CNTNAP2: variants seen among roughly 807,000 people sequenced by gnomAD.
CNTNAP2 encodes contactin-associated protein-like 2.
Under a neutral mutation model 155.2 loss-of-function variants are expected in CNTNAP2, and 98 were observed. That is an observed-to-expected ratio of 0.63 (90% CI 0.54 to 0.75). The LOEUF (loss-of-function observed/expected upper bound fraction) is 0.75, where lower values mean the gene tolerates loss of function less well. Among genes scored for constraint, CNTNAP2 ranks in the 30% least tolerant of loss-of-function variants. CNTNAP2 has a pLI of 0.00. For missense variants in CNTNAP2, 1,727 were observed against 1,688.1 expected (o/e 1.02, Z -0.40); for synonymous variants, 651 against 631.2 (o/e 1.03, Z -0.47).
At chr7:146,853,837 A>T (rs935224528) in intron 3 of CNTNAP2, among the ~76,000 whole-genome samples, 3 of 152,174 alleles carry the variant, frequency 2.0e-5, no homozygotes, top group African/African-American at 7.2e-5. Flanking sequence ...AGATCCACCA[A>T]ATTGTGGAAT....
chr7:147,640,540 G>A (rs1795254923), intron 13 of CNTNAP2, among the ~76,000 whole-genome samples: 1 of 152,154 alleles, frequency 6.6e-6, no homozygotes, highest in Non-Finnish European at 1.5e-5. Context: ...CCAATGGGCT[G>A]TTGGATGCCC....
chr7:147,060,851 G>A (rs1327246346), intron 4 of CNTNAP2, among the ~76,000 whole-genome samples: 2 of 144,484 alleles, frequency 1.4e-5, no homozygotes, highest in African/African-American at 5.5e-5. Context: ...GGGACAGAGC[G>A]AGACTCTGTC....
intron 1 of CNTNAP2, among the ~76,000 whole-genome samples, chr7:146,299,996 G>A (rs917636988): frequency 2.6e-5 from 4 of 152,162 alleles, no homozygotes; most frequent in African/African-American, 9.6e-5. Flanking sequence ...AGTAATATAA[G>A]CTGGTCGTTT....
At chr7:148,178,347 G>A (rs1258284888) in intron 18 of CNTNAP2, among the ~76,000 whole-genome samples, 1 of 152,012 alleles carries the variant, frequency 6.6e-6, no homozygotes, top group African/African-American at 2.4e-5. Context: ...ACATTCATTT[G>A]TTTATTGCTT....
At chr7:147,043,685 A>G (rs1001531169) in intron 3 of CNTNAP2, among the ~76,000 whole-genome samples, 12 of 152,246 alleles carry the variant, frequency 7.9e-5, no homozygotes, top group African/African-American at 2.7e-4. Context: ...ACGTATGTTT[A>G]CATGGATGAA....
intron 1 of CNTNAP2, among the ~76,000 whole-genome samples, chr7:146,555,849 C>T (rs1020394487): frequency 6.6e-6 from 1 of 152,152 alleles, no homozygotes; most frequent in Non-Finnish European, 1.5e-5. Context: ...ACTTCTCCAA[C>T]ATACACATTT....
At chr7:146,905,276 G>A (rs1796095101) in intron 3 of CNTNAP2, among the ~76,000 whole-genome samples, 1 of 152,024 alleles carries the variant, frequency 6.6e-6, no homozygotes, top group Non-Finnish European at 1.5e-5. Flanking sequence ...GATTTCATCA[G>A]GAGTTTTATA....
intron 8 of CNTNAP2, among the ~76,000 whole-genome samples, chr7:147,230,352 G>A (rs934603629): frequency 1.3e-5 from 2 of 151,994 alleles, no homozygotes; most frequent in Non-Finnish European, 2.9e-5. Flanking sequence ...CCGCCTCCTG[G>A]GTTCAAGCAA....
chr7:147,258,867 G>C (rs986411455), intron 8 of CNTNAP2, among the ~76,000 whole-genome samples: 3 of 152,128 alleles, frequency 2.0e-5, no homozygotes, highest in Non-Finnish European at 2.9e-5. Context: ...CAACACCAAT[G>C]CATGTTCCCA....
At chr7:146,463,032 G>A (rs73462762) in intron 1 of CNTNAP2, among the ~76,000 whole-genome samples, 32 of 152,174 alleles carry the variant, frequency 2.1e-4, no homozygotes, top group South Asian at 2.1e-4. Flanking sequence ...ACTCCAGTTC[G>A]TCATGGGAGC....
intron 1 of CNTNAP2, among the ~76,000 whole-genome samples, chr7:146,142,078 T>C (rs552999677): frequency 1.3e-5 from 2 of 152,298 alleles, no homozygotes; most frequent in East Asian, 3.9e-4. Context: ...CATCTCACCA[T>C]ATTGCAATTA....
At chr7:147,302,924 C>T (rs950246798) in intron 9 of CNTNAP2, among the ~76,000 whole-genome samples, 2 of 152,196 alleles carry the variant, frequency 1.3e-5, no homozygotes, top group African/African-American at 2.4e-5. Flanking sequence ...CTTCTGCAAG[C>T]TCAGTGAGGT....
chr7:148,001,108 T>G (rs1427021589), intron 15 of CNTNAP2, among the ~76,000 whole-genome samples: 1 of 152,222 alleles, frequency 6.6e-6, no homozygotes, highest in African/African-American at 2.4e-5. Flanking sequence ...TTAGCTTAAT[T>G]ACATCTGCAA....
Position 148,419,661 on chromosome 7 carries a change from C to T in CNTNAP2, c.*4045C>T, listed in dbSNP as rs1800072308. 1 of 150,118 alleles carries T rather than the reference C, an allele frequency of 6.7e-6. No individual in the cohort carries two copies. Among genetic ancestry groups the T allele is most frequent in the South Asian group, 2.1e-4 (1 of 4,732 alleles). 9.3% of individuals were successfully genotyped at this position (150,118 alleles called of 1,614,324 possible). ...GTTTCACCATGTTGGCCAGGGTGGT[C>T]TCGAACTCCTGACCTCAAGTGATCC... is the stretch of plus-strand genomic sequence containing the variant. On this transcript the variant is annotated 3_prime_UTR_variant, in exon 24 of 24. Coordinates refer to ENST00000361727, the MANE Select transcript of CNTNAP2 (RefSeq NM_014141.6).
chr7:147,861,174 C>T (rs1180897608), intron 13 of CNTNAP2, among the ~76,000 whole-genome samples: 1 of 152,168 alleles, frequency 6.6e-6, no homozygotes, highest in East Asian at 1.9e-4. Flanking sequence ...ACTCCCAAAG[C>T]ACAAGCAGTT....
At chr7:147,003,819 G>A (rs1240916131) in intron 3 of CNTNAP2, among the ~76,000 whole-genome samples, 3 of 151,846 alleles carry the variant, frequency 2.0e-5, no homozygotes, top group Non-Finnish European at 4.4e-5. Context: ...TTTGAGGCTG[G>A]GAGTTCAAGA....
chr7:146,130,647 G>A (rs1050862501), intron 1 of CNTNAP2, among the ~76,000 whole-genome samples: 39 of 152,226 alleles, frequency 2.6e-4, no homozygotes, highest in African/African-American at 9.4e-4. Context: ...TTATTTCAAA[G>A]TGTATTGTTT....
intron 1 of CNTNAP2, among the ~76,000 whole-genome samples, chr7:146,253,849 G>A (rs1439905470): frequency 2.6e-5 from 4 of 151,818 alleles, no homozygotes; most frequent in East Asian, 1.9e-4. Flanking sequence ...TTGAACCTAG[G>A]AGTTTGAGAT....
intron 13 of CNTNAP2, among the ~76,000 whole-genome samples, chr7:147,800,062 T>C (rs1233605914): frequency 6.6e-6 from 1 of 152,192 alleles, no homozygotes; most frequent in Non-Finnish European, 1.5e-5. Context: ...TGTGTCAAAA[T>C]TAAATAAGAT....
Sources: allele counts gnomAD v4.1 joint callset (sites outside exome capture counted in the v4.1 genomes callset), GRCh38; gene constraint gnomAD v4.1.1; transcripts MANE v1.5; gene names NCBI Gene and HGNC (gene_info 2026-07-23, HGNC 2026-07-21).